SEMA3D: variants seen among roughly 807,000 people sequenced by gnomAD.
SEMA3D encodes the protein semaphorin-3D.
Under a neutral mutation model 100.1 loss-of-function variants are expected in SEMA3D, and 84 were observed. That is an observed-to-expected ratio of 0.84 (90% CI 0.70 to 1.01). SEMA3D has a LOEUF of 1.01. SEMA3D is among the 50% of genes least tolerant of loss of function. SEMA3D has a pLI of 0.00. For missense variants in SEMA3D, 875 were observed against 934.1 expected (o/e 0.94, Z 0.82); for synonymous variants, 312 against 320.7 (o/e 0.97, Z 0.29).
At chr7:85,189,009 T>G (rs150617638), upstream of SEMA3D, among the ~76,000 whole-genome samples, 242 of 152,330 alleles carry the variant, frequency 1.6e-3, 4 homozygotes, top group Admixed American at 0.013. Context: ...ACTGATTTAG[T>G]TTGAGATGCT....
the SEMA3D span, among the ~76,000 whole-genome samples, chr7:85,231,436 C>CCTT: frequency 8.5e-6 from 1 of 117,872 alleles, no homozygotes; most frequent in Non-Finnish European, 1.7e-5. Context: ...CAATCTTTCC[C>CCTT]TTTTTTTTTT....
chr7:85,249,958 G>A, the SEMA3D span, among the ~76,000 whole-genome samples: 5 of 152,122 alleles, frequency 3.3e-5, no homozygotes, highest in Non-Finnish European at 5.9e-5. Flanking sequence ...CTGAGGTACC[G>A]GGTTCATCTC....
chr7:85,068,181 T>C lies in SEMA3D; in HGVS notation c.589+10A>G. The stretch of plus-strand genomic sequence containing the variant: ...ATTTAAGGATAAGAACTGCCTGTCA[T>C]TGATCTTACCTGTCATTACTGAAGC... On this transcript the variant is annotated intron_variant, in intron 7 of 18. Transcript: ENST00000284136. 6.6e-7 allele frequency: 1 copy of C among 1,511,108 alleles called. No homozygotes were observed. The highest frequency in any genetic ancestry group is 1.1e-5 in the South Asian group (1 of 88,794). 93.6% of individuals were successfully genotyped at this position (1,511,108 alleles called of 1,614,324 possible). A position where few individuals can be genotyped will look rare whatever the true frequency, so the allele number is the denominator to read the frequency against.
chr7:85,202,606 G>A, the SEMA3D span, among the ~76,000 whole-genome samples: 104,220 of 151,822 alleles, frequency 0.69, 36,921 homozygotes, highest in East Asian at 0.92. Context: ...ACAAAGGGCT[G>A]ATATCCAGAA....
chr7:85,176,231 C>A (rs1385208161), intron 1 of SEMA3D, among the ~76,000 whole-genome samples: 1 of 152,112 alleles, frequency 6.6e-6, no homozygotes, highest in Non-Finnish European at 1.5e-5. Context: ...CTCCTTAAAA[C>A]ATTTTTAAAT....
At chr7:85,079,944 G>A (rs1788005208) in intron 5 of SEMA3D, among the ~76,000 whole-genome samples, 1 of 152,152 alleles carries the variant, frequency 6.6e-6, no homozygotes, top group Non-Finnish European at 1.5e-5. Context: ...TATTGAACTG[G>A]ATGAAGATAC....
In SEMA3D at chr7:85,153,690, C is replaced by G. The variant is rs1202127065; in HGVS notation, c.-123G>C. 6.6e-6 allele frequency: 1 copy of G among 152,078 alleles called. No homozygotes were observed. Among genetic ancestry groups the G allele is most frequent in the African/African-American group, 2.4e-5 (1 of 41,408 alleles). 9.4% of individuals were successfully genotyped at this position (152,078 alleles called of 1,614,324 possible). ...AGAACCAACAGTGTATGTTCAAAAG[C>G]CTGGCAACCAGGACAGCAGATGTTA... On this transcript the variant is annotated 5_prime_UTR_variant, in exon 2 of 19. Coordinates refer to ENST00000284136, the MANE Select transcript of SEMA3D (RefSeq NM_001384900.1).
At chr7:85,073,637 A>G (rs1791839015) in intron 5 of SEMA3D, among the ~76,000 whole-genome samples, 1 of 152,178 alleles carries the variant, frequency 6.6e-6, no homozygotes, top group Admixed American at 6.5e-5. Context: ...TATAGTTACT[A>G]CTGTTTGCAA....
Position 85,015,091 on chromosome 7 carries a change from A to C in SEMA3D, c.1671T>G (p.Asn557Lys). 1 of 1,611,648 alleles carries C rather than the reference A, an allele frequency of 6.2e-7. No individual in the cohort carries two copies. Residue 557 changes from asparagine (N) to lysine (K), a missense_variant, in exon 16 of 19, where the codon AAT becomes AAG. By Grantham distance (94) the Asn-to-Lys change is moderately conservative. Transcript: ENST00000284136. ...ARDPYCAWDG[N>K]ACSRYAPTSK... ...AAGTAGGAGCATATCGAGAGCATGCATTTCCATCCCAGGCACAGTAGGGGT... is the reference window on the plus strand; with the variant it reads ...AAGTAGGAGCATATCGAGAGCATGCCTTTCCATCCCAGGCACAGTAGGGGT...
intron 4 of SEMA3D, among the ~76,000 whole-genome samples, chr7:85,092,310 G>C (rs1788419190): frequency 6.6e-6 from 1 of 151,858 alleles, no homozygotes; most frequent in Admixed American, 6.6e-5. Flanking sequence ...ACTAAGATTA[G>C]AGCAATGACA....
chr7:85,237,769 A>G, the SEMA3D span, among the ~76,000 whole-genome samples: 2 of 152,290 alleles, frequency 1.3e-5, no homozygotes, highest in African/African-American at 2.4e-5. Context: ...CTTTTGTGTG[A>G]GCGTAAGTTT....
the SEMA3D span, among the ~76,000 whole-genome samples, chr7:85,199,214 A>C: frequency 6.6e-6 from 1 of 152,038 alleles, no homozygotes; most frequent in East Asian, 1.9e-4. Flanking sequence ...TATATGTTTA[A>C]TTTTCATGAC....
Position 84,999,104 on chromosome 7 carries a change from C to T in SEMA3D, c.*336G>A. 3.9e-6 allele frequency: 1 copy of T among 258,364 alleles called. No homozygotes were observed. The highest frequency in any genetic ancestry group is 8.7e-5 in the East Asian group (1 of 11,466). 16.0% of individuals were successfully genotyped at this position (258,364 alleles called of 1,614,324 possible). On this transcript the variant is annotated 3_prime_UTR_variant, in exon 19 of 19. Coordinates refer to ENST00000284136, the MANE Select transcript of SEMA3D (RefSeq NM_001384900.1). ...TTAATGGACATTCGAGGGAATAAAGCACCTTATACACTATCAAATTCGGGG... is the reference window on the plus strand; with the variant it reads ...TTAATGGACATTCGAGGGAATAAAGTACCTTATACACTATCAAATTCGGGG...
At chr7:85,030,456 T>G (rs1206186379) in intron 12 of SEMA3D, among the ~76,000 whole-genome samples, 1 of 144,524 alleles carries the variant, frequency 6.9e-6, no homozygotes, top group Non-Finnish European at 1.5e-5. Flanking sequence ...TTTAACGCGG[T>G]AACAATTTGG....
Position 85,055,732 on chromosome 7 carries a change from A to C in SEMA3D, c.846T>G (p.Val282=), listed in dbSNP as rs200541130. 6.7e-7 allele frequency: 1 copy of C among 1,487,178 alleles called. No homozygotes were observed. Among genetic ancestry groups the C allele is most frequent in the East Asian group, 2.4e-5 (1 of 41,750 alleles). The allele number at this position is 1,487,178 out of a possible 1,614,324, so 92.1% of individuals were successfully genotyped here. ...TATATCTTGCCTTACAAACTCTTCCAACTCGAGAAAGGATGGTTTTATCGG... is the reference window on the plus strand; with the variant it reads ...TATATCTTGCCTTACAAACTCTTCCCACTCGAGAAAGGATGGTTTTATCGG... ...STSDKTILSR[V]GRVCKNDVGG... is the part of the protein sequence containing the mutation. The change falls in exon 9 of 19, where the codon GTT becomes GTG. Residue 282 remains valine (V), a synonymous_variant. Coordinates refer to ENST00000284136, the MANE Select transcript of SEMA3D (RefSeq NM_001384900.1).
At chr7:85,161,215 A>T (rs2116517646) in intron 1 of SEMA3D, among the ~76,000 whole-genome samples, 1 of 152,314 alleles carries the variant, frequency 6.6e-6, no homozygotes, top group Non-Finnish European at 1.5e-5. Flanking sequence ...CTGAAATAGT[A>T]AATTAATTCA....
In SEMA3D at chr7:85,024,619, A is replaced by G. The variant is rs138190228; in HGVS notation, c.1192-2006T>C. ...CCTGGTTTCTATTGACTATAAAATGATCTTTGAAAATATATATTTTTTCTT... is the reference window on the plus strand; with the variant it reads ...CCTGGTTTCTATTGACTATAAAATGGTCTTTGAAAATATATATTTTTTCTT... On this transcript the variant is annotated intron_variant, in intron 12 of 18. Coordinates refer to ENST00000284136, the MANE Select transcript of SEMA3D (RefSeq NM_001384900.1). Among the ~76,000 whole-genome samples, 804 of 152,092 alleles carry G rather than the reference A, an allele frequency of 5.3e-3. 11 individuals carry two copies. Among genetic ancestry groups the G allele is most frequent in the African/African-American group, 0.018 (753 of 41,542 alleles).
intron 4 of SEMA3D, among the ~76,000 whole-genome samples, chr7:85,084,021 C>T (rs1272105593): frequency 6.6e-6 from 1 of 150,886 alleles, no homozygotes; most frequent in Non-Finnish European, 1.5e-5. Context: ...GTGGCAGGTG[C>T]CTGTGGTCCC....
At chr7:85,161,065 T>C (rs1790733712) in intron 1 of SEMA3D, among the ~76,000 whole-genome samples, 1 of 152,064 alleles carries the variant, frequency 6.6e-6, no homozygotes, top group African/African-American at 2.4e-5. Flanking sequence ...ACACAGAGGG[T>C]GACCATGATT....
Sources: gnomAD v4.1 joint callset for allele counts (sites outside exome capture counted in the v4.1 genomes callset) on GRCh38, gnomAD v4.1.1 for gene constraint, MANE v1.5 for transcripts, NCBI Gene and HGNC (gene_info 2026-07-23, HGNC 2026-07-21) for gene names.